The following HS3ST1 variants were observed in gnomAD, a reference collection of about 807,000 sequenced individuals.
HS3ST1 encodes heparan sulfate-glucosamine 3-sulfotransferase 1.
Under a neutral mutation model 20.7 loss-of-function variants are expected in HS3ST1, and 8 were observed. That is an observed-to-expected ratio of 0.39 (90% confidence interval 0.23 to 0.70). The LOEUF is 0.70. Among genes scored for constraint, HS3ST1 ranks in the 30% least tolerant of loss-of-function variants. The probability of loss-of-function intolerance (pLI) is 0.46; values close to 1 mark genes in which losing one functional copy is unlikely to be tolerated. For missense variants in HS3ST1, 436 were observed against 423.4 expected (o/e 1.03, Z -0.26); for synonymous variants, 205 against 190.4 (o/e 1.08, Z -0.63).
chr4:11,410,915 AAAT>A (rs1239093589), intron 1 of HS3ST1, among the ~76,000 whole-genome samples: 1 of 151,946 alleles, frequency 6.6e-6, no homozygotes, highest in Non-Finnish European at 1.5e-5. Context: ...ATAAATAAAT[AAAT>A]AAAAAAGTAG....
chr4:11,430,673 G>A (rs538152053), upstream of HS3ST1, among the ~76,000 whole-genome samples: 7 of 152,116 alleles, frequency 4.6e-5, no homozygotes, highest in South Asian at 1.5e-3. Context: ...TTGCACCCTG[G>A]AAGCCAAAGG....
chr4:11,405,177 C>G (rs1295144713), intron 1 of HS3ST1, among the ~76,000 whole-genome samples: 1 of 152,192 alleles, frequency 6.6e-6, no homozygotes, highest in Non-Finnish European at 1.5e-5. Flanking sequence ...CAAAATGAAC[C>G]TCCGATGGGT....
chr4:11,418,235 A>G (rs1298823959), intron 1 of HS3ST1, among the ~76,000 whole-genome samples: 1 of 152,218 alleles, frequency 6.6e-6, no homozygotes, highest in African/African-American at 2.4e-5. Context: ...CTGGAAGGCA[A>G]TAAGCAGCTA....
intron 1 of HS3ST1, among the ~76,000 whole-genome samples, chr4:11,413,257 G>A (rs1157310247): frequency 1.3e-5 from 2 of 152,078 alleles, no homozygotes; most frequent in African/African-American, 4.8e-5. Flanking sequence ...GGCATGTGGT[G>A]GGATAAGATT....
rs1236384348 is a variant in HS3ST1, at chr4:11,419,609, TTC to T, written c.-109+9088_-109+9089del. ...TTTACCTATGTAACAAACCTACATG[TTC>T]TGCACTTGTATCCTGGAACTTAAAG... On this transcript the variant is annotated intron_variant, in intron 1 of 1. Transcript: ENST00000002596. 2.0e-5 allele frequency among the ~76,000 whole-genome samples: 3 copies of T among 152,110 alleles called. No homozygotes were observed. The East Asian group carries it at 5.8e-4, about 29-fold the overall frequency.
At chr4:11,430,704 T>C (rs575433545), upstream of HS3ST1, among the ~76,000 whole-genome samples, 2 of 152,192 alleles carry the variant, frequency 1.3e-5, no homozygotes, top group Non-Finnish European at 2.9e-5. Flanking sequence ...ACCCACTTAG[T>C]TCCCTACCAC....
At chr4:11,413,252 G>A (rs1469993030) in intron 1 of HS3ST1, among the ~76,000 whole-genome samples, 100 of 152,288 alleles carry the variant, frequency 6.6e-4, no homozygotes, top group Non-Finnish European at 4.4e-5. Context: ...CCTGGGGCAT[G>A]TGGTGGGATA....
In HS3ST1 at chr4:11,395,144, T is replaced by C. The variant is rs1165175891; in HGVS notation, c.*3938A>G. 6.6e-6 allele frequency: 1 copy of C among 152,176 alleles called. No homozygotes were observed. The highest frequency in any genetic ancestry group is 2.4e-5 in the African/African-American group (1 of 41,432). The allele number at this position is 152,176 out of a possible 1,614,324, so 9.4% of individuals were successfully genotyped here. On this transcript the variant is annotated 3_prime_UTR_variant, in exon 2 of 2. Transcript: ENST00000002596. ...GCTTCCCTTGTTCAGAATGCCCTGC[T>C]CTGGTGACACTACTGCCATTCGTGC...
intron 1 of HS3ST1, among the ~76,000 whole-genome samples, chr4:11,419,697 CGTATA>C (rs1718876933): frequency 6.6e-6 from 1 of 151,962 alleles, no homozygotes. Flanking sequence ...AGTAATAAAA[CGTATA>C]TGGTAGGGGC....
chr4:11,405,935 G>A (rs908703867), intron 1 of HS3ST1, among the ~76,000 whole-genome samples: 2 of 152,126 alleles, frequency 1.3e-5, no homozygotes, highest in African/African-American at 4.8e-5. Context: ...AAATAACTAG[G>A]ATATTTCACA....
chr4:11,407,999 T>A (rs961873500), intron 1 of HS3ST1, among the ~76,000 whole-genome samples: 11 of 152,154 alleles, frequency 7.2e-5, no homozygotes, highest in African/African-American at 2.7e-4. Flanking sequence ...TTTCCTACTG[T>A]TGTTGGGGTA....
At chr4:11,422,641 G>A (rs1178843404) in intron 1 of HS3ST1, among the ~76,000 whole-genome samples, 2 of 151,470 alleles carry the variant, frequency 1.3e-5, no homozygotes, top group Non-Finnish European at 1.5e-5. Context: ...CCTTGTGAAC[G>A]ACAATCAATA....
At chr4:11,409,618 C>T (rs904925526) in intron 1 of HS3ST1, among the ~76,000 whole-genome samples, 1 of 152,248 alleles carries the variant, frequency 6.6e-6, no homozygotes, top group Non-Finnish European at 1.5e-5. Flanking sequence ...TCTTGAACTT[C>T]CAGCCTCCAG....
chr4:11,427,251 G>A (rs1369825598), intron 1 of HS3ST1, among the ~76,000 whole-genome samples: 1 of 152,246 alleles, frequency 6.6e-6, no homozygotes, highest in Non-Finnish European at 1.5e-5. Flanking sequence ...CCTCAGCAGT[G>A]TCCAAGCACC....
At chr4:11,411,838 G>A (rs758498064) in intron 1 of HS3ST1, among the ~76,000 whole-genome samples, 4 of 152,350 alleles carry the variant, frequency 2.6e-5, no homozygotes, top group South Asian at 2.1e-4. Context: ...TCGGAGTCGG[G>A]AGGCTGGTGA....
intron 1 of HS3ST1, among the ~76,000 whole-genome samples, chr4:11,410,468 G>A (rs1042366232): frequency 2.6e-5 from 4 of 152,200 alleles, no homozygotes; most frequent in African/African-American, 9.7e-5. Context: ...AGCCAAATGG[G>A]GTACAAGGAA....
At chr4:11,433,706 A>G (rs967932047), upstream of HS3ST1, among the ~76,000 whole-genome samples, 2 of 152,196 alleles carry the variant, frequency 1.3e-5, no homozygotes, top group Non-Finnish European at 2.9e-5. Flanking sequence ...TGGCAGGCCT[A>G]TCAGTTCAGT....
chr4:11,416,284 C>T (rs115609692), intron 1 of HS3ST1, among the ~76,000 whole-genome samples: 1,865 of 152,288 alleles, frequency 0.012, 39 homozygotes, highest in African/African-American at 0.042. Flanking sequence ...CTCCTTTCAT[C>T]GCCCCTCACC....
rs1485450265 is a variant in HS3ST1 at position 11,398,204 on chromosome 4, T to G, written c.*878A>C. 4 of 152,228 alleles carry G rather than the reference T, an allele frequency of 2.6e-5. No homozygotes were observed. In the East Asian group the frequency reaches 7.7e-4, roughly 29 times the overall value. 9.4% of individuals were successfully genotyped at this position (152,228 alleles called of 1,614,324 possible). A position where few individuals can be genotyped will look rare whatever the true frequency, so the allele number is the denominator to read the frequency against. Reference sequence around the variant, plus strand: ...TGTGTCTTTCAGGAAGTAAGCAGACTTTCAGACTAAGCAAAAGACTACTAC... The same window carrying G: ...TGTGTCTTTCAGGAAGTAAGCAGACGTTCAGACTAAGCAAAAGACTACTAC... On this transcript the variant is annotated 3_prime_UTR_variant, in exon 2 of 2. Coordinates refer to ENST00000002596, the MANE Select transcript of HS3ST1 (RefSeq NM_005114.4).
Sources: gnomAD v4.1 joint callset for allele counts (sites outside exome capture counted in the v4.1 genomes callset) on GRCh38, gnomAD v4.1.1 for gene constraint, MANE v1.5 for transcripts, NCBI Gene and HGNC (gene_info 2026-07-23, HGNC 2026-07-21) for gene names.